CAMKMT: variants seen among roughly 807,000 people sequenced by gnomAD.
CAMKMT encodes calmodulin-lysine N-methyltransferase.
In CAMKMT, 53 loss-of-function variants were observed where a neutral mutation model predicts 48.0. The ratio of observed to expected loss-of-function variants is 1.10; its 90% CI spans 0.89 to 1.39. The LOEUF (loss-of-function observed/expected upper bound fraction) is 1.39. Among genes scored for constraint, CAMKMT ranks in the 40% most tolerant of loss-of-function variants. The pLI is 0.00. For synonymous variants in CAMKMT, 165 were observed against 152.3 expected (o/e 1.08, Z -0.61); for missense variants, 428 against 402.7 (o/e 1.06, Z -0.54).
intron 7 of CAMKMT, among the ~76,000 whole-genome samples, chr2:44,742,432 A>T (rs1275633591): frequency 6.6e-6 from 1 of 152,092 alleles, no homozygotes; most frequent in Non-Finnish European, 1.5e-5. Context: ...TATTCACCCA[A>T]TGCATAGGAT....
intron 2 of CAMKMT, among the ~76,000 whole-genome samples, chr2:44,388,745 C>T (rs189821327): frequency 5.3e-5 from 8 of 152,242 alleles, no homozygotes; most frequent in Non-Finnish European, 1.5e-5. Flanking sequence ...ATGTGGCTTC[C>T]TATGAGCAGA....
chr2:44,430,697 A>G (rs1684596190), intron 3 of CAMKMT, among the ~76,000 whole-genome samples: 1 of 152,116 alleles, frequency 6.6e-6, no homozygotes, highest in African/African-American at 2.4e-5. Context: ...AAAATGCTGG[A>G]TAAATAAGAG....
chr2:44,449,918 A>C (rs1667203620), intron 3 of CAMKMT, among the ~76,000 whole-genome samples: 1 of 152,188 alleles, frequency 6.6e-6, no homozygotes, highest in Non-Finnish European at 1.5e-5. Context: ...TGATCACTAT[A>C]ACATTTGTGT....
chr2:44,577,814 C>T (rs138151699), intron 3 of CAMKMT, among the ~76,000 whole-genome samples: 42 of 152,138 alleles, frequency 2.8e-4, no homozygotes, highest in African/African-American at 1.0e-3. Context: ...CTGCAGTGGA[C>T]CCAATTAAAT....
At chr2:44,381,582 A>G (rs1226535532) in intron 2 of CAMKMT, among the ~76,000 whole-genome samples, 1 of 152,238 alleles carries the variant, frequency 6.6e-6, no homozygotes, top group Non-Finnish European at 1.5e-5. Context: ...AAAATCCAAC[A>G]TAAAGTTCTG....
intron 3 of CAMKMT, among the ~76,000 whole-genome samples, chr2:44,537,368 T>C (rs1005096421): frequency 3.3e-5 from 5 of 152,080 alleles, no homozygotes; most frequent in African/African-American, 7.2e-5. Context: ...GACATGAATA[T>C]ACATTTATCA....
intron 3 of CAMKMT, among the ~76,000 whole-genome samples, chr2:44,413,022 G>C (rs1023093215): frequency 3.9e-5 from 6 of 151,994 alleles, no homozygotes; most frequent in Non-Finnish European, 7.4e-5. Flanking sequence ...GTTGCAGGGA[G>C]CTGAGATTGT....
intron 3 of CAMKMT, among the ~76,000 whole-genome samples, chr2:44,594,896 CT>C (rs773214922): frequency 4.5e-4 from 67 of 149,778 alleles, no homozygotes; most frequent in Non-Finnish European, 8.2e-4. Context: ...TGGGAGAAAA[CT>C]TTTGCAATCT....
intron 3 of CAMKMT, chr2:44,631,392 TATA>T (rs202094451): frequency 0.013 from 6,031 of 455,860 alleles, 244 homozygotes; most frequent in African/African-American, 0.097. Context: ...AAACTTAAAG[TATA>T]ATAATAATAA....
intron 3 of CAMKMT, among the ~76,000 whole-genome samples, chr2:44,673,864 A>T (rs563124830): frequency 6.6e-6 from 1 of 152,200 alleles, no homozygotes; most frequent in Non-Finnish European, 1.5e-5. Flanking sequence ...GGTGGGAACA[A>T]ACAGCCGAGC....
At chr2:44,391,748 A>C (rs1176243164) in intron 3 of CAMKMT, 1 of 152,914 alleles carries the variant, frequency 6.5e-6, no homozygotes, top group African/African-American at 2.4e-5. Flanking sequence ...TTATTATTTT[A>C]GGCATGAATG....
chr2:44,620,453 A>G (rs1672116582), intron 3 of CAMKMT, among the ~76,000 whole-genome samples: 1 of 152,182 alleles, frequency 6.6e-6, no homozygotes, highest in Non-Finnish European at 1.5e-5. Flanking sequence ...GTCAAAAGCT[A>G]TTGAAGAAAA....
intron 3 of CAMKMT, among the ~76,000 whole-genome samples, chr2:44,492,044 C>T (rs1669533596): frequency 6.6e-6 from 1 of 152,034 alleles, no homozygotes; most frequent in African/African-American, 2.4e-5. Context: ...TGAGACTCAT[C>T]TAGATCTTAG....
At chr2:44,433,529 A>G (rs1304929947) in intron 3 of CAMKMT, among the ~76,000 whole-genome samples, 1 of 152,176 alleles carries the variant, frequency 6.6e-6, no homozygotes. Context: ...GTCTGACATT[A>G]TGAGAATTTG....
chr2:44,504,384 A>T (rs1399182928), intron 3 of CAMKMT, among the ~76,000 whole-genome samples: 1 of 152,192 alleles, frequency 6.6e-6, no homozygotes, highest in Non-Finnish European at 1.5e-5. Flanking sequence ...TTTTGAATTT[A>T]TGTTTAATTC....
chr2:44,677,720 A>AT (rs1162679546), intron 3 of CAMKMT, among the ~76,000 whole-genome samples: 1 of 151,360 alleles, frequency 6.6e-6, no homozygotes, highest in Non-Finnish European at 1.5e-5. Context: ...AAAAAAAAAA[A>AT]GCGTATTTAC....
chr2:44,372,634 C>T (rs1206608222), intron 1 of CAMKMT, 82 bp from the exon 2 acceptor site: 16 of 1,231,024 alleles, frequency 1.3e-5, no homozygotes, highest in Admixed American at 2.3e-5. Flanking sequence ...GTCCCCTTAC[C>T]ACTTAAATTT....
chr2:44,728,159 C>G (rs191461654), intron 7 of CAMKMT, among the ~76,000 whole-genome samples: 15 of 152,250 alleles, frequency 9.9e-5, no homozygotes, highest in Admixed American at 3.9e-4. Flanking sequence ...CTCATGGACT[C>G]AAGAAATCCT....
chr2:44,526,479 T>G (rs753122851), intron 3 of CAMKMT, among the ~76,000 whole-genome samples: 3 of 152,126 alleles, frequency 2.0e-5, no homozygotes, highest in Non-Finnish European at 2.9e-5. Flanking sequence ...CCAGAAAAGC[T>G]GGTCATATAG....
Sources: gnomAD v4.1 joint callset for allele counts (sites outside exome capture counted in the v4.1 genomes callset) on GRCh38, gnomAD v4.1.1 for gene constraint, MANE v1.5 for transcripts, NCBI Gene and HGNC (gene_info 2026-07-23, HGNC 2026-07-21) for gene names.